Variants in RAD52 observed in about 807,000 individuals in gnomAD.
The protein encoded by RAD52 is RAD52 DNA repair protein.
A neutral mutation model predicts 55.5 loss-of-function variants in RAD52; 47 were observed. The observed-to-expected ratio is 0.85, with a 90% CI of 0.67 to 1.08. The LOEUF is 1.08. Ranked by LOEUF, RAD52 falls within the 50% of genes least tolerant of loss-of-function variation. RAD52 has a pLI of 0.00. For missense variants in RAD52, 468 were observed against 522.8 expected (o/e 0.90, Z 1.02); for synonymous variants, 184 against 198.9 (o/e 0.92, Z 0.63).
intron 7 of RAD52, among the ~76,000 whole-genome samples, chr12:918,059 A>G (rs1428643008): frequency 6.6e-6 from 1 of 152,218 alleles, no homozygotes; most frequent in African/African-American, 2.4e-5. Context: ...ACAACCATAC[A>G]GGAAAACGGG....
At chr12:946,031 A>C (rs10849599) in intron 1 of RAD52, among the ~76,000 whole-genome samples, 15,391 of 151,988 alleles carry the variant, frequency 0.1, 926 homozygotes, top group Middle Eastern at 0.22. Flanking sequence ...CTCAAAAAAA[A>C]CAAAAAAACA....
chr12:935,636 C>G (rs939242929), intron 1 of RAD52, among the ~76,000 whole-genome samples: 10 of 151,596 alleles, frequency 6.6e-5, no homozygotes, highest in South Asian at 6.3e-4. Flanking sequence ...GGCAGATCAC[C>G]TGAGGTCAGG....
In RAD52 at chr12:914,523, G is replaced by A. The variant is rs746435057; in HGVS notation, c.875C>T (p.Pro292Leu). The change falls in exon 10 of 12, where the codon CCG becomes CTG. Residue 292 changes from proline (P) to leucine (L), a missense_variant. By Grantham distance (98) the Pro-to-Leu change is moderately conservative. Coordinates refer to ENST00000358495, the MANE Select transcript of RAD52 (RefSeq NM_134424.4). ...AGTGCTGTGCGTCACAGGAGGGGCC[G>A]GAGGCGCTGCTACGGTTCACAGAGG... ...PSAEKSEAAP[P>L]APPVTHSTPV... 15 of 1,613,406 alleles carry A rather than the reference G, an allele frequency of 9.3e-6. No homozygotes were observed. Among genetic ancestry groups the A allele is most frequent in the South Asian group, 2.2e-5 (2 of 91,020 alleles).
intron 7 of RAD52, among the ~76,000 whole-genome samples, chr12:917,405 C>T (rs1468991866): frequency 1.3e-5 from 2 of 152,190 alleles, no homozygotes; most frequent in Non-Finnish European, 2.9e-5. Context: ...TTCATTTCCA[C>T]ACGGATTCCT....
At chr12:968,667 C>T (rs540010175) in intron 1 of RAD52, among the ~76,000 whole-genome samples, 6 of 152,180 alleles carry the variant, frequency 3.9e-5, no homozygotes, top group East Asian at 3.9e-4. Context: ...GAGAATGGTA[C>T]GTCCCTAGGA....
At chr12:934,194 C>T (rs750559712) in intron 1 of RAD52, among the ~76,000 whole-genome samples, 1 of 151,808 alleles carries the variant, frequency 6.6e-6, no homozygotes, top group South Asian at 2.1e-4. Flanking sequence ...CAGCCAGACG[C>T]AGTCACTGAC....
At chr12:932,217 G>A (rs1389947419) in intron 2 of RAD52, among the ~76,000 whole-genome samples, 8 of 152,042 alleles carry the variant, frequency 5.3e-5, no homozygotes, top group East Asian at 3.9e-4. Context: ...AATTAAGCCC[G>A]GGCGTGGTGG....
intron 1 of RAD52, among the ~76,000 whole-genome samples, chr12:965,060 A>T (rs914539815): frequency 1.3e-5 from 2 of 151,638 alleles, no homozygotes; most frequent in African/African-American, 2.4e-5. Context: ...GCTCACTGCA[A>T]CCTCTGCCTC....
chr12:972,765 C>CAAAAAAA (rs780150903), intron 1 of RAD52, among the ~76,000 whole-genome samples: 1 of 38,410 alleles, frequency 2.6e-5, no homozygotes, highest in East Asian at 8.3e-4. Context: ...GACTCCGTCT[C>CAAAAAAA]AAAAAAAAAA....
intron 1 of RAD52, among the ~76,000 whole-genome samples, chr12:980,973 A>C (rs1427700428): frequency 6.6e-6 from 1 of 152,132 alleles, no homozygotes; most frequent in Non-Finnish European, 1.5e-5. Context: ...CCTGATCCCA[A>C]CAGCCGCAAA....
intron 2 of RAD52, among the ~76,000 whole-genome samples, chr12:932,611 C>G (rs547411807): frequency 1.3e-5 from 2 of 152,044 alleles, no homozygotes; most frequent in African/African-American, 2.4e-5. Context: ...TATCCCCCCC[C>G]ACAAAAAATT....
At chr12:921,475 G>A (rs1956723837) in intron 7 of RAD52, among the ~76,000 whole-genome samples, 2 of 152,078 alleles carry the variant, frequency 1.3e-5, no homozygotes, top group South Asian at 2.1e-4. Flanking sequence ...AGCCTGGCAT[G>A]GTGGCAAATG....
At chr12:987,526 T>C (rs558238460) in intron 1 of RAD52, among the ~76,000 whole-genome samples, 9 of 152,038 alleles carry the variant, frequency 5.9e-5, no homozygotes, top group African/African-American at 2.2e-4. Flanking sequence ...TTATTTTCTC[T>C]CACAATTTCC....
intron 1 of RAD52, among the ~76,000 whole-genome samples, chr12:958,734 A>T (rs1958644044): frequency 6.6e-6 from 1 of 152,176 alleles, no homozygotes; most frequent in African/African-American, 2.4e-5. Context: ...CACAGGCTGA[A>T]ATGGGAAGGA....
In RAD52 at chr12:984,473, T is replaced by C. The variant is rs527373267; in HGVS notation, c.-19+5336A>G. Among the ~76,000 whole-genome samples, 134 of 152,200 alleles carry C rather than the reference T, an allele frequency of 8.8e-4. 2 individuals carry two copies. Among genetic ancestry groups the C allele is most frequent in the Middle Eastern group, 3.4e-3 (1 of 294 alleles). On this transcript the variant is annotated intron_variant, in intron 1 of 11. Transcript: ENST00000430095. The stretch of plus-strand genomic sequence containing the variant: ...TCAGGCTCCCAAAGTGCTAGGATTA[T>C]ATGCATGTGAGCCACCGTGCCTGGC...
upstream of RAD52, chr12:949,716 C>G (rs1402207635): frequency 6.6e-6 from 1 of 150,568 alleles, no homozygotes; most frequent in Non-Finnish European, 1.5e-5. Context: ...GCGAGCGTCT[C>G]TGGGAAGAAG....
intron 1 of RAD52, among the ~76,000 whole-genome samples, chr12:972,277 C>CAT (rs768505754): frequency 1.9e-3 from 283 of 152,024 alleles, no homozygotes; most frequent in Admixed American, 6.4e-3. Context: ...TACACACACA[C>CAT]ATATATATAT....
intron 1 of RAD52, among the ~76,000 whole-genome samples, chr12:980,276 T>C (rs1043979539): frequency 6.6e-6 from 1 of 150,992 alleles, no homozygotes; most frequent in Non-Finnish European, 1.5e-5. Flanking sequence ...GCAAAATGTC[T>C]CCTATTGTGT....
intron 6 of RAD52, chr12:926,837 G>A: frequency 1.3e-6 from 2 of 1,536,882 alleles, no homozygotes; most frequent in South Asian, 2.4e-5. Context: ...GGAGAGGAGG[G>A]TGCTGTCTGT....
Sources: gnomAD v4.1 joint callset for allele counts (sites outside exome capture counted in the v4.1 genomes callset) on GRCh38, gnomAD v4.1.1 for gene constraint, MANE v1.5 for transcripts, NCBI Gene and HGNC (gene_info 2026-07-23, HGNC 2026-07-21) for gene names.